The following RAD18 variants were observed in gnomAD, a reference collection of about 807,000 sequenced individuals.
The protein encoded by RAD18 is E3 ubiquitin-protein ligase RAD18.
RAD18 carries 47 observed loss-of-function variants against 60.4 expected under a neutral mutation model. The ratio of observed to expected loss-of-function variants is 0.78; its 90% confidence interval spans 0.62 to 0.99. The LOEUF (loss-of-function observed/expected upper bound fraction) is 0.99. Among genes scored for constraint, RAD18 ranks in the 50% least tolerant of loss-of-function variants. The probability of loss-of-function intolerance (pLI) is 0.00; values close to 1 mark genes in which losing one functional copy is unlikely to be tolerated. For missense variants in RAD18, 640 were observed against 593.3 expected (o/e 1.08, Z -0.82); for synonymous variants, 225 against 195.5 (o/e 1.15, Z -1.26).
intron 12 of RAD18, among the ~76,000 whole-genome samples, chr3:8,881,725 G>T (rs1575528881): frequency 6.6e-6 from 1 of 152,100 alleles, no homozygotes; most frequent in East Asian, 1.9e-4. Flanking sequence ...CATGTAGAGG[G>T]CTGGGAAAAA....
At chr3:8,938,746 C>G (rs538204265) in intron 6 of RAD18, among the ~76,000 whole-genome samples, 1 of 152,272 alleles carries the variant, frequency 6.6e-6, no homozygotes, top group African/African-American at 2.4e-5. Flanking sequence ...AAGAACAACC[C>G]TTGATCTTTA....
chr3:8,939,724 C>A, intron 5 of RAD18, 71 bp from the exon 6 acceptor site: 1 of 1,270,570 alleles, frequency 7.9e-7, no homozygotes, highest in African/African-American at 1.5e-5. Flanking sequence ...AAACTGGCAT[C>A]TTTTCAGCAA....
chr3:8,904,311 C>T (rs1188872638), intron 9 of RAD18, among the ~76,000 whole-genome samples: 5 of 151,950 alleles, frequency 3.3e-5, no homozygotes, highest in Admixed American at 6.6e-5. Flanking sequence ...TATCTTTTAA[C>T]GCAAAAAGAG....
At chr3:8,963,305 G>A (rs761628951) in intron 1 of RAD18, 30 bp downstream of exon 1, 21 of 1,590,676 alleles carry the variant, frequency 1.3e-5, no homozygotes, top group Non-Finnish European at 1.8e-5. Flanking sequence ...GCAGACACCC[G>A]GGAGCTCCCA....
intron 1 of RAD18, among the ~76,000 whole-genome samples, chr3:8,962,460 T>G (rs772202451): frequency 1.3e-5 from 2 of 152,250 alleles, no homozygotes; most frequent in Non-Finnish European, 2.9e-5. Flanking sequence ...ACTTTAGCCT[T>G]CACTTAATTC....
rs572049191 is a variant in RAD18 at position 8,961,145 on chromosome 3, G to A, written c.52-2144C>T. ...GGAATGATTCTGAAAGATCTGCAGAGCACAATTGTGGAAGTTGACACTACA... is the reference window on the plus strand; with the variant it reads ...GGAATGATTCTGAAAGATCTGCAGAACACAATTGTGGAAGTTGACACTACA... On this transcript the variant is annotated intron_variant, in intron 1 of 12. Coordinates refer to ENST00000264926, the MANE Select transcript of RAD18 (RefSeq NM_020165.4). Among the ~76,000 whole-genome samples the A allele has an allele frequency of 5.9e-5, 9 of 152,290 alleles. No individual in the cohort carries two copies. The South Asian group carries it at 6.2e-4, about 11-fold the overall frequency.
chr3:8,956,530 T>C (rs774014466), intron 2 of RAD18, among the ~76,000 whole-genome samples: 7 of 152,266 alleles, frequency 4.6e-5, no homozygotes, highest in Non-Finnish European at 7.4e-5. Context: ...ATTTTCAGAA[T>C]GCAGTTGACC....
intron 8 of RAD18, among the ~76,000 whole-genome samples, chr3:8,913,102 A>G (rs1940131047): frequency 6.6e-6 from 1 of 152,118 alleles, no homozygotes; most frequent in African/African-American, 2.4e-5. Flanking sequence ...CACAATGACT[A>G]TTTTCTTCAC....
intron 12 of RAD18, 114 bp downstream of exon 12, chr3:8,890,275 T>C: frequency 1.3e-6 from 1 of 789,752 alleles, no homozygotes; most frequent in South Asian, 1.7e-5. Flanking sequence ...GCATGAGGAT[T>C]ACTACTTCTT....
rs116361281 is a variant in RAD18 at position 8,919,132 on chromosome 3, A to G, written c.890-5412T>C. On this transcript the variant is annotated intron_variant, in intron 7 of 12. Coordinates refer to ENST00000264926, the MANE Select transcript of RAD18 (RefSeq NM_020165.4). ...ATATCAGGTATTCACAACAGTCTCTAGGTAGCAATTAAATAAAGTAGACCA... is the reference window on the plus strand; with the variant it reads ...ATATCAGGTATTCACAACAGTCTCTGGGTAGCAATTAAATAAAGTAGACCA... 7.5e-3 allele frequency among the ~76,000 whole-genome samples: 1,138 copies of G among 152,358 alleles called. 16 individuals are homozygous for G. The highest frequency in any genetic ancestry group is 0.026 in the African/African-American group (1,078 of 41,580).
intron 9 of RAD18, among the ~76,000 whole-genome samples, chr3:8,911,167 CTAAA>C (rs1940098369): frequency 6.6e-6 from 1 of 152,218 alleles, no homozygotes; most frequent in South Asian, 2.1e-4. Flanking sequence ...TATTTTAAGG[CTAAA>C]TAAATTAATA....
In RAD18 at chr3:8,907,411, G is replaced by T. The variant is rs1280989532; in HGVS notation, c.1028-4891C>A. On this transcript the variant is annotated intron_variant, in intron 9 of 12. Coordinates refer to ENST00000264926, the MANE Select transcript of RAD18 (RefSeq NM_020165.4). ...GACCCACATAAACAAAGGCTCTTTG[G>T]TGTCCTTGAGATACAGAATGGCTGG... 4.6e-5 allele frequency among the ~76,000 whole-genome samples: 7 copies of T among 152,098 alleles called. No homozygotes were observed. In the East Asian group the frequency reaches 1.4e-3, roughly 29 times the overall value.
chr3:8,955,465 G>A (rs1437043070), intron 2 of RAD18, among the ~76,000 whole-genome samples: 1 of 152,198 alleles, frequency 6.6e-6, no homozygotes, highest in Non-Finnish European at 1.5e-5. Context: ...GCAGACAGAG[G>A]CTGATATAGC....
chr3:8,924,629 A>G (rs1167975697), intron 7 of RAD18, among the ~76,000 whole-genome samples: 1 of 120,764 alleles, frequency 8.3e-6, no homozygotes, highest in Non-Finnish European at 1.8e-5. Context: ...GCACCACATC[A>G]CACTTATTCC....
intron 10 of RAD18, among the ~76,000 whole-genome samples, chr3:8,900,162 T>C (rs1038782145): frequency 6.6e-6 from 1 of 152,190 alleles, no homozygotes; most frequent in African/African-American, 2.4e-5. Flanking sequence ...CCTAATGTCA[T>C]CTGGCTGTCA....
chr3:8,881,670 C>A (rs1396333465), intron 12 of RAD18, among the ~76,000 whole-genome samples: 1 of 152,112 alleles, frequency 6.6e-6, no homozygotes, highest in African/African-American at 2.4e-5. Context: ...AGCTCTGAAC[C>A]CCTTTTTCTG....
At position 8,887,664 on chromosome 3, in the gene RAD18, G is replaced by A. The variant is rs575307266; in HGVS notation, c.1385+2725C>T. Reference sequence around the variant, plus strand: ...TTTCAACAAACACCCTTAGAGAAAAGGCTTTTTGAATTGAGCAAGCTCCAA... The same window carrying A: ...TTTCAACAAACACCCTTAGAGAAAAAGCTTTTTGAATTGAGCAAGCTCCAA... On this transcript the variant is annotated intron_variant, in intron 12 of 12. Transcript: ENST00000264926. Among the ~76,000 whole-genome samples, 77 of 152,278 alleles carry A rather than the reference G, an allele frequency of 5.1e-4. 1 individual carries two copies. In the South Asian group the frequency reaches 0.015, roughly 29 times the overall value.
chr3:8,959,973 C>A (rs1320075036), intron 1 of RAD18, among the ~76,000 whole-genome samples: 1 of 151,294 alleles, frequency 6.6e-6, no homozygotes, highest in African/African-American at 2.4e-5. Context: ...ATAGACAGTA[C>A]ATATACTATG....
chr3:8,958,669 C>T (rs1337684737), intron 2 of RAD18, among the ~76,000 whole-genome samples: 1 of 151,926 alleles, frequency 6.6e-6, no homozygotes, highest in South Asian at 2.1e-4. Context: ...TTATTGTGAC[C>T]AAAAATTTTA....
Sources: gnomAD v4.1 joint callset for allele counts (sites outside exome capture counted in the v4.1 genomes callset) on GRCh38, gnomAD v4.1.1 for gene constraint, MANE v1.5 for transcripts, NCBI Gene and HGNC (gene_info 2026-07-23, HGNC 2026-07-21) for gene names.